Variants in KIAA1217 observed in about 807,000 individuals in gnomAD.
The protein encoded by KIAA1217 is KIAA1217, also known as sickle tail protein homolog.
Under a neutral mutation model 163.9 loss-of-function variants are expected in KIAA1217, and 88 were observed. That is an observed-to-expected ratio of 0.54 (90% confidence interval 0.45 to 0.64). The LOEUF is 0.64. KIAA1217 is among the 30% of genes least tolerant of loss of function. The pLI is 0.00. For missense variants in KIAA1217, 2,372 were observed against 2,475.0 expected (o/e 0.96, Z 0.88); for synonymous variants, 903 against 923.1 (o/e 0.98, Z 0.39).
intron 2 of KIAA1217, among the ~76,000 whole-genome samples, chr10:24,177,311 G>A (rs1301653352): frequency 1.2e-5 from 1 of 81,338 alleles, no homozygotes; most frequent in Non-Finnish European, 2.3e-5. Context: ...CAATTTCTTT[G>A]TCATATATAT....
rs868547943 is a variant in KIAA1217 at position 24,380,808 on chromosome 10, A to C, written c.355-61A>C. The C allele has an allele frequency of 2.4e-6, 3 of 1,240,384 alleles. No individual in the cohort carries two copies. In the Middle Eastern group the frequency reaches 6.2e-4, roughly 255 times the overall value. 76.8% of individuals were successfully genotyped at this position (1,240,384 alleles called of 1,614,324 possible). A position where few individuals can be genotyped will look rare whatever the true frequency, so the allele number is the denominator to read the frequency against. ...CAGATTAATAGAAATGGCATTGGAC[A>C]TATTTTCCACACGATTAATAATAGT... On this transcript the variant is annotated intron_variant, in intron 2 of 20. Coordinates refer to ENST00000376454, the MANE Select transcript of KIAA1217 (RefSeq NM_019590.5).
At chr10:23,830,735 T>C (rs1038216267) in intron 1 of KIAA1217, among the ~76,000 whole-genome samples, 1 of 151,700 alleles carries the variant, frequency 6.6e-6, no homozygotes, top group African/African-American at 2.4e-5. Context: ...GATAGCTAGA[T>C]AGACAGATAG....
chr10:23,895,082 C>A (rs1841615328), intron 1 of KIAA1217, among the ~76,000 whole-genome samples: 1 of 152,012 alleles, frequency 6.6e-6, no homozygotes, highest in African/African-American at 2.4e-5. Flanking sequence ...TAGGCATGGG[C>A]AAGGACTTCA....
chr10:24,109,276 C>T (rs1204308015), intron 2 of KIAA1217, among the ~76,000 whole-genome samples: 1 of 152,156 alleles, frequency 6.6e-6, no homozygotes, highest in Admixed American at 6.5e-5. Context: ...GATGGAAAGA[C>T]GCTAACTCTT....
chr10:23,724,134 G>A (rs1166924848), intron 1 of KIAA1217, among the ~76,000 whole-genome samples: 2 of 152,088 alleles, frequency 1.3e-5, no homozygotes, highest in African/African-American at 4.8e-5. Context: ...AACCATTCAT[G>A]GGAAATCTAC....
chr10:24,520,747 G>A (rs1352291089), intron 11 of KIAA1217, among the ~76,000 whole-genome samples: 1 of 146,742 alleles, frequency 6.8e-6, no homozygotes, highest in Non-Finnish European at 1.5e-5. Context: ...TTAGGAGGCT[G>A]AGGTGGTAGG....
At chr10:24,369,999 C>G (rs530857342) in intron 2 of KIAA1217, among the ~76,000 whole-genome samples, 1 of 152,198 alleles carries the variant, frequency 6.6e-6, no homozygotes, top group Non-Finnish European at 1.5e-5. Context: ...GGCGCGGCGG[C>G]TCACGCCTGT....
At chr10:23,877,377 A>C (rs1171241909) in intron 1 of KIAA1217, 1 of 151,960 alleles carries the variant, frequency 6.6e-6, no homozygotes, top group Non-Finnish European at 1.5e-5. Flanking sequence ...TAATATGTTA[A>C]AGTCCATTTT....
intron 1 of KIAA1217, among the ~76,000 whole-genome samples, chr10:23,959,372 A>T (rs1021432086): frequency 6.6e-6 from 1 of 151,986 alleles, no homozygotes; most frequent in Non-Finnish European, 1.5e-5. Context: ...TCAGTTTAAA[A>T]ATTAGCCAGG....
At chr10:24,088,801 T>C (rs1589448513) in intron 2 of KIAA1217, among the ~76,000 whole-genome samples, 1 of 124,336 alleles carries the variant, frequency 8.0e-6, no homozygotes, top group East Asian at 2.0e-4. Context: ...AGCCTTTGGG[T>C]ATATATCCAG....
intron 2 of KIAA1217, among the ~76,000 whole-genome samples, chr10:24,298,447 G>C (rs1387362064): frequency 6.6e-6 from 1 of 152,130 alleles, no homozygotes; most frequent in African/African-American, 2.4e-5. Flanking sequence ...ATTAGTTCCT[G>C]TCTTAAGACA....
intron 2 of KIAA1217, among the ~76,000 whole-genome samples, chr10:24,092,432 T>C (rs2061969394): frequency 6.6e-6 from 1 of 151,826 alleles, no homozygotes; most frequent in South Asian, 2.1e-4. Context: ...TAACCTAATG[T>C]TCAAACAAAG....
chr10:23,910,780 G>A (rs934379508), intron 1 of KIAA1217, among the ~76,000 whole-genome samples: 9 of 152,218 alleles, frequency 5.9e-5, no homozygotes, highest in Non-Finnish European at 8.8e-5. Context: ...GTCTGGCCCC[G>A]TAACACATAA....
intron 5 of KIAA1217, among the ~76,000 whole-genome samples, chr10:24,455,978 C>T (rs184950946): frequency 2.7e-4 from 41 of 152,234 alleles, no homozygotes; most frequent in African/African-American, 9.1e-4. Context: ...CTCCGCCTCC[C>T]GGGCTCAAGA....
intron 3 of KIAA1217, among the ~76,000 whole-genome samples, chr10:24,424,451 A>T (rs1591813702): frequency 6.6e-6 from 1 of 152,114 alleles, no homozygotes; most frequent in East Asian, 1.9e-4. Context: ...GACTTTTTTG[A>T]TTGCTTTTGT....
At chr10:23,896,923 A>C (rs371525291) in intron 1 of KIAA1217, among the ~76,000 whole-genome samples, 2 of 152,094 alleles carry the variant, frequency 1.3e-5, no homozygotes, top group Non-Finnish European at 1.5e-5. Context: ...CTAAGTGGAC[A>C]CTTAAGGATT....
chr10:24,294,386 C>A (rs1046829545), intron 2 of KIAA1217, among the ~76,000 whole-genome samples: 1 of 152,008 alleles, frequency 6.6e-6, no homozygotes, highest in Non-Finnish European at 1.5e-5. Flanking sequence ...ATTCTTTCAA[C>A]AGGTAGTGGT....
chr10:24,355,853 A>G (rs1040343606), intron 2 of KIAA1217, among the ~76,000 whole-genome samples: 2 of 140,432 alleles, frequency 1.4e-5, no homozygotes, highest in African/African-American at 5.4e-5. Flanking sequence ...GGTTCAAGCC[A>G]TTCTCCTGCT....
chr10:24,336,806 T>C (rs149995406), intron 2 of KIAA1217, among the ~76,000 whole-genome samples: 122 of 152,306 alleles, frequency 8.0e-4, no homozygotes, highest in African/African-American at 2.9e-3. Flanking sequence ...ATCATTCCAT[T>C]GGGAAAGGAA....
Sources: allele counts gnomAD v4.1 joint callset (sites outside exome capture counted in the v4.1 genomes callset), GRCh38; gene constraint gnomAD v4.1.1; transcripts MANE v1.5; gene names NCBI Gene and HGNC (gene_info 2026-07-23, HGNC 2026-07-21).